Variants in COL23A1 observed in about 807,000 individuals in gnomAD.
The protein encoded by COL23A1 is collagen alpha-1(XXIII) chain.
Under a neutral mutation model 99.3 loss-of-function variants are expected in COL23A1, and 97 were observed. That is an observed-to-expected ratio of 0.98 (90% CI 0.83 to 1.16). COL23A1 has a LOEUF of 1.16. COL23A1 is among the 50% of genes most tolerant of loss of function. The pLI is 0.00. For synonymous variants in COL23A1, 320 were observed against 308.2 expected (o/e 1.04, Z -0.40); for missense variants, 762 against 757.4 (o/e 1.01, Z -0.07).
intron 2 of COL23A1, among the ~76,000 whole-genome samples, chr5:178,510,260 G>A (rs765742674): frequency 2.0e-5 from 3 of 152,214 alleles, no homozygotes; most frequent in East Asian, 1.9e-4. Context: ...ACACATTGGC[G>A]CCTGGGCATG....
At chr5:178,279,777 C>T (rs560701301) in intron 5 of COL23A1, among the ~76,000 whole-genome samples, 1 of 152,322 alleles carries the variant, frequency 6.6e-6, no homozygotes, top group South Asian at 2.1e-4. Context: ...CTGAAACTCC[C>T]CACTTATCAG....
chr5:178,584,320 ACAC>A (rs1213954935), intron 1 of COL23A1, among the ~76,000 whole-genome samples: 13 of 151,006 alleles, frequency 8.6e-5, no homozygotes, highest in African/African-American at 3.2e-4. Context: ...ACACACACAC[ACAC>A]ACACACACAC....
intron 25 of COL23A1, among the ~76,000 whole-genome samples, chr5:178,243,126 G>A (rs1764495797): frequency 6.6e-6 from 1 of 152,028 alleles, no homozygotes; most frequent in African/African-American, 2.4e-5. Context: ...AGAGGTGGAG[G>A]TTGCAGTGAG....
intron 2 of COL23A1, among the ~76,000 whole-genome samples, chr5:178,498,958 T>C (rs1758380956): frequency 6.6e-6 from 1 of 151,152 alleles, no homozygotes; most frequent in Non-Finnish European, 1.5e-5. Flanking sequence ...GACATGGTGG[T>C]CCTTGCCTGT....
chr5:178,333,958 G>T (rs1437911372), intron 2 of COL23A1, among the ~76,000 whole-genome samples: 1 of 152,186 alleles, frequency 6.6e-6, no homozygotes, highest in Admixed American at 6.5e-5. Context: ...CCCCTGGTCA[G>T]TCCCCCTTCC....
intron 2 of COL23A1, among the ~76,000 whole-genome samples, chr5:178,517,654 C>A (rs1481113425): frequency 6.7e-6 from 1 of 150,050 alleles, no homozygotes; most frequent in African/African-American, 2.5e-5. Flanking sequence ...CTCCAACTCC[C>A]TGGTTCAAGC....
intron 2 of COL23A1, among the ~76,000 whole-genome samples, chr5:178,465,504 G>A (rs374696480): frequency 3.9e-5 from 6 of 152,160 alleles, no homozygotes; most frequent in Non-Finnish European, 5.9e-5. Flanking sequence ...ATGGGCCTCC[G>A]AGCAAGCCTG....
At chr5:178,471,386 C>T (rs1358094584) in intron 2 of COL23A1, among the ~76,000 whole-genome samples, 1 of 152,102 alleles carries the variant, frequency 6.6e-6, no homozygotes, top group African/African-American at 2.4e-5. Flanking sequence ...GGATTACAGG[C>T]ACCCACCACA....
At chr5:178,471,335 G>T (rs1280803741) in intron 2 of COL23A1, among the ~76,000 whole-genome samples, 1 of 152,102 alleles carries the variant, frequency 6.6e-6, no homozygotes, top group South Asian at 2.1e-4. Context: ...TCAGCCTCCT[G>T]GGTTCAAGTG....
In COL23A1 at chr5:178,543,341, A is replaced by G. The variant is rs530057366; in HGVS notation, c.361+17341T>C. ...AGGCTGGTCGTCAACTCCCAACCTCAGGTGATTCTCCCACCTTGGCCTCCC... is the reference window on the plus strand; with the variant it reads ...AGGCTGGTCGTCAACTCCCAACCTCGGGTGATTCTCCCACCTTGGCCTCCC... On this transcript the variant is annotated intron_variant, in intron 2 of 28. Transcript: ENST00000390654. 2.0e-5 allele frequency among the ~76,000 whole-genome samples: 3 copies of G among 152,204 alleles called. No homozygotes were observed. In the South Asian group the frequency reaches 6.2e-4, roughly 32 times the overall value.
At chr5:178,488,944 G>A (rs1038958035) in intron 2 of COL23A1, among the ~76,000 whole-genome samples, 3 of 152,214 alleles carry the variant, frequency 2.0e-5, no homozygotes, top group Admixed American at 6.5e-5. Flanking sequence ...GCTCTCCAAC[G>A]GGTGCTTCAC....
At chr5:178,297,572 C>A (rs1757812717) in intron 3 of COL23A1, among the ~76,000 whole-genome samples, 1 of 152,174 alleles carries the variant, frequency 6.6e-6, no homozygotes, top group South Asian at 2.1e-4. Context: ...CCTCACCCTT[C>A]CCCCATTGGT....
At chr5:178,571,886 G>A (rs190304825) in intron 1 of COL23A1, among the ~76,000 whole-genome samples, 7,020 of 152,090 alleles carry the variant, frequency 0.046, 231 homozygotes, top group Non-Finnish European at 0.068. Context: ...TGGCTAACAC[G>A]GTGAAACCCC....
intron 2 of COL23A1, among the ~76,000 whole-genome samples, chr5:178,354,931 G>A (rs1252160012): frequency 6.6e-6 from 1 of 151,964 alleles, no homozygotes; most frequent in East Asian, 1.9e-4. Flanking sequence ...GGTGGTGTGA[G>A]CCTGTGGTCC....
intron 2 of COL23A1, among the ~76,000 whole-genome samples, chr5:178,557,536 T>A (rs1038833754): frequency 6.6e-6 from 1 of 152,138 alleles, no homozygotes; most frequent in Admixed American, 6.5e-5. Flanking sequence ...AGCCTCGCAA[T>A]GGGTGGCACA....
At chr5:178,456,550 T>C (rs916372706) in intron 2 of COL23A1, among the ~76,000 whole-genome samples, 7 of 152,208 alleles carry the variant, frequency 4.6e-5, no homozygotes, top group Non-Finnish European at 7.4e-5. Context: ...AATACAAAAT[T>C]AGCTGGGCGT....
chr5:178,587,080 G>A lies in COL23A1; in HGVS notation c.294+2824C>T, dbSNP rs150588597. Among the ~76,000 whole-genome samples, 472 of 152,278 alleles carry A rather than the reference G, an allele frequency of 3.1e-3. 4 individuals are homozygous for A. The highest frequency in any genetic ancestry group is 0.01 in the African/African-American group (435 of 41,562). ...TGCATTACATTTTTTACTGTATTAT[G>A]AAAGCCATGTATTCTAAAGTTTTAA... On this transcript the variant is annotated intron_variant, in intron 1 of 28. Transcript: ENST00000390654.
chr5:178,351,438 T>C (rs1356336824), intron 2 of COL23A1, among the ~76,000 whole-genome samples: 1 of 152,168 alleles, frequency 6.6e-6, no homozygotes, highest in African/African-American at 2.4e-5. Context: ...CTCAGCAGCC[T>C]CTGCCCAGGG....
At chr5:178,412,391 C>T (rs1765097980) in intron 2 of COL23A1, among the ~76,000 whole-genome samples, 1 of 152,170 alleles carries the variant, frequency 6.6e-6, no homozygotes, top group Admixed American at 6.5e-5. Context: ...ACCCAGTTTT[C>T]ATTTTACATT....
Sources: gnomAD v4.1 joint callset for allele counts (sites outside exome capture counted in the v4.1 genomes callset) on GRCh38, gnomAD v4.1.1 for gene constraint, MANE v1.5 for transcripts, NCBI Gene and HGNC (gene_info 2026-07-23, HGNC 2026-07-21) for gene names.